Variants in NRG3 observed in about 807,000 individuals in gnomAD.
The protein encoded by NRG3 is pro-neuregulin-3, membrane-bound isoform.
NRG3 carries 31 observed loss-of-function variants against 66.9 expected under a neutral mutation model. The observed-to-expected ratio is 0.46, with a 90% CI of 0.35 to 0.63. The LOEUF is 0.63. Among genes scored for constraint, NRG3 ranks in the 20% least tolerant of loss-of-function variants. The pLI is 0.00. For synonymous variants in NRG3, 393 were observed against 359.4 expected (o/e 1.09, Z -1.06); for missense variants, 910 against 878.9 (o/e 1.04, Z -0.45).
At chr10:82,210,850 A>G (rs2075358795) in intron 1 of NRG3, among the ~76,000 whole-genome samples, 2 of 152,244 alleles carry the variant, frequency 1.3e-5, no homozygotes, top group South Asian at 2.1e-4. Flanking sequence ...ATTATTTTCA[A>G]AAGTAGCTCC....
At chr10:82,142,163 G>C (rs1198537391) in intron 1 of NRG3, among the ~76,000 whole-genome samples, 1 of 152,138 alleles carries the variant, frequency 6.6e-6, no homozygotes, top group Non-Finnish European at 1.5e-5. Context: ...AAAAGATTTT[G>C]ACTGCAGGAT....
chr10:82,214,087 T>C (rs2075544467), intron 1 of NRG3, among the ~76,000 whole-genome samples: 1 of 152,236 alleles, frequency 6.6e-6, no homozygotes, highest in South Asian at 2.1e-4. Flanking sequence ...CAAAGTGTTT[T>C]TTTAAAAGAA....
chr10:82,035,821 G>A (rs529979031), intron 1 of NRG3, among the ~76,000 whole-genome samples: 18 of 152,000 alleles, frequency 1.2e-4, no homozygotes, highest in Non-Finnish European at 1.3e-4. Flanking sequence ...ACAACTTTTT[G>A]TGAATAAAGT....
At position 82,755,739 on chromosome 10, in the gene NRG3, T is replaced by G. The variant is rs117451867; in HGVS notation, c.1027+17089T>G. Among the ~76,000 whole-genome samples, 1,476 of 152,288 alleles carry G rather than the reference T, an allele frequency of 9.7e-3. 73 individuals are homozygous for G. Among genetic ancestry groups the G allele is most frequent in the Admixed American group, 0.075 (1,138 of 15,274 alleles). ...TTAATCCACATACAAACAACAGGTT[T>G]TCTTGCACAGGAAAAACTCTGACAC... On this transcript the variant is annotated intron_variant, in intron 3 of 8. Transcript: ENST00000372141.
intron 1 of NRG3, among the ~76,000 whole-genome samples, chr10:82,354,922 G>A (rs1229784486): frequency 6.6e-6 from 1 of 152,130 alleles, no homozygotes; most frequent in Non-Finnish European, 1.5e-5. Context: ...ATACAAATTG[G>A]TATTCACGGG....
chr10:82,020,916 T>C (rs1354127162), intron 1 of NRG3, among the ~76,000 whole-genome samples: 1 of 152,100 alleles, frequency 6.6e-6, no homozygotes, highest in Non-Finnish European at 1.5e-5. Flanking sequence ...ATCCTGCTAG[T>C]TCCAAAGGTG....
intron 3 of NRG3, among the ~76,000 whole-genome samples, chr10:82,815,468 A>G (rs902920996): frequency 1.3e-5 from 2 of 152,164 alleles, no homozygotes; most frequent in Non-Finnish European, 2.9e-5. Flanking sequence ...TTTTGTGTCT[A>G]CTACCTAAAT....
chr10:82,132,479 G>GATATATATATCATATATGTATATC (rs1491227241), intron 1 of NRG3, among the ~76,000 whole-genome samples: 2 of 62,498 alleles, frequency 3.2e-5, no homozygotes, highest in African/African-American at 1.2e-4. Flanking sequence ...ATATATATAT[G>GATATATATATCATATATGTATATC]ATATATATAT....
rs145137146 is a variant in NRG3 at position 82,985,148 on chromosome 10, A to C, written c.1634A>C (p.Gln545Pro). 2 of 1,613,934 alleles carry C rather than the reference A, an allele frequency of 1.2e-6. No individual in the cohort carries two copies. Among genetic ancestry groups the C allele is most frequent in the Non-Finnish European group, 1.7e-6 (2 of 1,179,982 alleles). The change falls in exon 9 of 9, where the codon CAA becomes CCA. Residue 545 changes from glutamine (Q) to proline (P), a missense_variant. By Grantham distance (76) the Gln-to-Pro change is moderately conservative (BLOSUM62 -1). Coordinates refer to ENST00000372141, the MANE Select transcript of NRG3 (RefSeq NM_001010848.4). ...KTQRNTSINM[Q>P]LPSRETNPYF... ...CAACGAAATACATCAATAAATATGC[A>C]ACTGCCTTCAAGAGAGACAAACCCC...
intron 2 of NRG3, among the ~76,000 whole-genome samples, chr10:82,572,839 A>G (rs1190419534): frequency 6.6e-6 from 1 of 151,736 alleles, no homozygotes; most frequent in Non-Finnish European, 1.5e-5. Context: ...ACATTTTGCC[A>G]TGAATTATTC....
At chr10:82,905,116 G>A (rs1844600358) in intron 4 of NRG3, among the ~76,000 whole-genome samples, 1 of 152,084 alleles carries the variant, frequency 6.6e-6, no homozygotes, top group South Asian at 2.1e-4. Flanking sequence ...TTGGTTGTGG[G>A]TGTCTGTCCA....
In NRG3 at chr10:82,932,803, C is replaced by T. The variant is rs1205292136; in HGVS notation, c.1055-18666C>T. Among the ~76,000 whole-genome samples, 4 of 152,130 alleles carry T rather than the reference C, an allele frequency of 2.6e-5. No individual in the cohort carries two copies. The South Asian group carries it at 8.3e-4, about 31-fold the overall frequency. Reference sequence around the variant, plus strand: ...GAGGAGGAAGGTCACTCGTCAGAGACCTTGTGGTCATCAGCAAATAGGGTG... The same window carrying T: ...GAGGAGGAAGGTCACTCGTCAGAGATCTTGTGGTCATCAGCAAATAGGGTG... On this transcript the variant is annotated intron_variant, in intron 4 of 8. Coordinates refer to ENST00000372141, the MANE Select transcript of NRG3 (RefSeq NM_001010848.4).
At chr10:82,736,561 CAG>C (rs2058165180) in intron 2 of NRG3, among the ~76,000 whole-genome samples, 1 of 152,208 alleles carries the variant, frequency 6.6e-6, no homozygotes, top group Admixed American at 6.5e-5. Context: ...AGTTACAGCA[CAG>C]AGTTATGGAG....
chr10:81,993,934 C>A (rs1279539697), intron 1 of NRG3, among the ~76,000 whole-genome samples: 1 of 152,136 alleles, frequency 6.6e-6, no homozygotes, highest in Non-Finnish European at 1.5e-5. Flanking sequence ...GTGAAGATTT[C>A]CCCAGTGCTG....
chr10:82,945,467 A>C (rs1848927778), intron 4 of NRG3, among the ~76,000 whole-genome samples: 1 of 152,156 alleles, frequency 6.6e-6, no homozygotes, highest in Non-Finnish European at 1.5e-5. Context: ...TTTTGAAAAA[A>C]GAAATTTATT....
chr10:82,862,361 A>G lies in NRG3; in HGVS notation c.1028-3050A>G, dbSNP rs534325149. 3.1e-4 allele frequency among the ~76,000 whole-genome samples: 47 copies of G among 152,334 alleles called. No individual in the cohort carries two copies. In the South Asian group the frequency reaches 9.5e-3, roughly 31 times the overall value. ...GGGGCAGAGACTCCTCCAGTGTCCC[A>G]CAGGCATAGCTAGACTCAAGGTTTA... is the stretch of plus-strand genomic sequence containing the variant. On this transcript the variant is annotated intron_variant, in intron 3 of 8. Transcript: ENST00000372141.
intron 1 of NRG3, among the ~76,000 whole-genome samples, chr10:82,289,088 C>T (rs1272361853): frequency 6.6e-6 from 1 of 152,194 alleles, no homozygotes; most frequent in Non-Finnish European, 1.5e-5. Context: ...CATGCTGCTC[C>T]CTGTACTTCT....
At chr10:82,980,457 C>G (rs940865360) in intron 8 of NRG3, among the ~76,000 whole-genome samples, 2 of 152,294 alleles carry the variant, frequency 1.3e-5, no homozygotes, top group East Asian at 3.9e-4. Flanking sequence ...TCTTGTGGCT[C>G]TGTTTTTATC....
intron 1 of NRG3, among the ~76,000 whole-genome samples, chr10:82,315,355 G>A (rs1171633668): frequency 6.6e-6 from 1 of 152,160 alleles, no homozygotes; most frequent in Admixed American, 6.5e-5. Context: ...TGCCTTTCAG[G>A]AACGATTTCA....
Sources: allele counts gnomAD v4.1 joint callset (sites outside exome capture counted in the v4.1 genomes callset), GRCh38; gene constraint gnomAD v4.1.1; transcripts MANE v1.5; gene names NCBI Gene and HGNC (gene_info 2026-07-23, HGNC 2026-07-21).